Variants in CIB1 observed in about 807,000 individuals in gnomAD.
CIB1 encodes calcium and integrin-binding protein 1.
A neutral mutation model predicts 25.0 loss-of-function variants in CIB1; 19 were observed. The observed-to-expected ratio is 0.76, with a 90% confidence interval of 0.53 to 1.12. CIB1 has a LOEUF of 1.12. CIB1 is among the 50% of genes most tolerant of loss of function. CIB1 has a pLI of 0.00. For synonymous variants in CIB1, 104 were observed against 98.5 expected (o/e 1.06, Z -0.33); for missense variants, 236 against 242.6 (o/e 0.97, Z 0.18).
At chr15:90,241,041 A>G in the CIB1 span, 2 of 1,614,026 alleles carry the variant, frequency 1.2e-6, no homozygotes, top group Non-Finnish European at 1.7e-6. Context: ...TCAGTGGCCA[A>G]GGAATGCACC....
At chr15:90,241,436 G>A in the CIB1 span, 2 of 1,613,364 alleles carry the variant, frequency 1.2e-6, no homozygotes, top group Non-Finnish European at 1.7e-6. Flanking sequence ...CTGCCCGCCA[G>A]CTCCCCCAGC....
chr15:90,264,170 G>C, the CIB1 span: 2 of 667,978 alleles, frequency 3.0e-6, no homozygotes, highest in Admixed American at 5.7e-5. Context: ...GTGTAAGAAT[G>C]GGGAAGTTAG....
At chr15:90,237,668 A>G (rs941746957), upstream of CIB1, among the ~76,000 whole-genome samples, 2 of 151,984 alleles carry the variant, frequency 1.3e-5, no homozygotes, top group Non-Finnish European at 2.9e-5. Flanking sequence ...GGCCATCTTT[A>G]TATCTTATTT....
At position 90,230,996 on chromosome 15, in the gene CIB1, C is replaced by T; in HGVS notation, c.492G>A (p.Arg164=). The change falls in exon 6 of 7, where the codon AGG becomes AGA. Residue 164 remains arginine, a synonymous_variant. Transcript: ENST00000328649. ...ACTCAGAGAGGTTGATGGTTCCATC[C>T]CTGTCAATGTCAGACTCCTCCAGGA... The part of the protein sequence containing the change: ...DNILEESDID[R]DGTINLSEFQ... 6.2e-7 allele frequency: 1 copy of T among 1,614,132 alleles called. No individual in the cohort carries two copies. The highest frequency in any genetic ancestry group is 2.2e-5 in the East Asian group (1 of 44,878).
At chr15:90,262,690 C>A in the CIB1 span, 4 of 1,457,214 alleles carry the variant, frequency 2.7e-6, no homozygotes, top group East Asian at 1.0e-4. Context: ...TTTTGTAGCT[C>A]TTATCTTTCC....
At chr15:90,262,178 G>A in the CIB1 span, 17 of 1,534,490 alleles carry the variant, frequency 1.1e-5, no homozygotes, top group Admixed American at 2.0e-4. Flanking sequence ...CAAGGCCAGA[G>A]AGGAGTGTGC....
At chr15:90,263,589 G>A in the CIB1 span, 2 of 576,368 alleles carry the variant, frequency 3.5e-6, no homozygotes, top group Non-Finnish European at 6.2e-6. Context: ...TAGCAAACCT[G>A]TTGGGTCTTC....
upstream of CIB1, chr15:90,234,661 C>G (rs1962593723): frequency 6.6e-6 from 1 of 152,118 alleles, no homozygotes; most frequent in South Asian, 2.1e-4. Flanking sequence ...TTTTTCCGGG[C>G]GCCGGCATTT....
the CIB1 span, among the ~76,000 whole-genome samples, chr15:90,247,805 C>T: frequency 2.0e-5 from 3 of 150,346 alleles, no homozygotes; most frequent in South Asian, 4.1e-4. Flanking sequence ...GCGCGATCTC[C>T]GTTCACTGCA....
the CIB1 span, among the ~76,000 whole-genome samples, chr15:90,247,154 T>G: frequency 1.3e-5 from 2 of 151,604 alleles, no homozygotes; most frequent in Non-Finnish European, 2.9e-5. Context: ...TTTTGTATTT[T>G]TAGTAGAGAC....
the CIB1 span, chr15:90,249,851 C>T: frequency 6.6e-6 from 1 of 152,230 alleles, no homozygotes; most frequent in Non-Finnish European, 1.5e-5. Flanking sequence ...TCTTAGCCAT[C>T]GGGTGCCTGT....
chr15:90,240,856 G>A, the CIB1 span: 2 of 1,170,054 alleles, frequency 1.7e-6, no homozygotes, highest in Non-Finnish European at 2.5e-6. Context: ...AATCTCTGGA[G>A]GTGGGTTACC....
chr15:90,250,956 C>T, the CIB1 span: 440,374 of 1,548,816 alleles, frequency 0.28, 69,314 homozygotes, highest in East Asian at 0.66. Flanking sequence ...CCTTCAACAT[C>T]TGGAGGAGCT....
the CIB1 span, chr15:90,249,769 G>A: frequency 2.6e-5 from 4 of 152,276 alleles, no homozygotes; most frequent in Non-Finnish European, 4.4e-5. Context: ...GGCGGCTAGG[G>A]GCGGACCCAG....
rs1001354110 is a variant in CIB1, at chr15:90,230,049, C to G, written c.*435G>C. On this transcript the variant is annotated 3_prime_UTR_variant, in exon 7 of 7. Coordinates refer to ENST00000328649, the MANE Select transcript of CIB1 (RefSeq NM_006384.4). ...TGCAGAGACTCATCTAACCACCACC[C>G]CAATCAGGATACAGGCGAGTCCCAC... 3 of 212,642 alleles carry G rather than the reference C, an allele frequency of 1.4e-5. No homozygotes were observed. Among genetic ancestry groups the G allele is most frequent in the Non-Finnish European group, 2.9e-5 (3 of 104,726 alleles). 13.2% of individuals were successfully genotyped at this position (212,642 alleles called of 1,614,324 possible).
the CIB1 span, chr15:90,263,201 G>T: frequency 6.6e-5 from 95 of 1,435,968 alleles, no homozygotes; most frequent in Non-Finnish European, 8.1e-5. Context: ...TGTCATTCCA[G>T]GACATGGTGT....
chr15:90,265,586 C>A, the CIB1 span: 1 of 1,408,808 alleles, frequency 7.1e-7, no homozygotes, highest in East Asian at 2.5e-5. Context: ...GATCTTACCC[C>A]CACCAAGTGA....
chr15:90,262,433 T>G, the CIB1 span: 1 of 1,426,218 alleles, frequency 7.0e-7, no homozygotes, highest in East Asian at 2.5e-5. Flanking sequence ...CCATTTTTCC[T>G]CACCCCTCTT....
the CIB1 span, among the ~76,000 whole-genome samples, chr15:90,248,457 G>C: frequency 2.3e-3 from 354 of 152,146 alleles, 2 homozygotes; most frequent in African/African-American, 8.5e-3. Flanking sequence ...GTTCATGCCT[G>C]TAATCCCACC....
Sources: gnomAD v4.1 joint callset for allele counts (sites outside exome capture counted in the v4.1 genomes callset) on GRCh38, gnomAD v4.1.1 for gene constraint, MANE v1.5 for transcripts, NCBI Gene and HGNC (gene_info 2026-07-23, HGNC 2026-07-21) for gene names.